The following DLG5 variants were observed in gnomAD, a reference collection of about 807,000 sequenced individuals.
DLG5 encodes disks large homolog 5.
DLG5 carries 48 observed loss-of-function variants against 189.8 expected under a neutral mutation model. The ratio of observed to expected loss-of-function variants is 0.25; its 90% CI spans 0.20 to 0.32. The LOEUF (loss-of-function observed/expected upper bound fraction) is 0.32, where lower values mean the gene tolerates loss of function less well. DLG5 is among the 10% of genes least tolerant of loss of function. DLG5 has a pLI of 1.00. For synonymous variants in DLG5, 1,016 were observed against 1,054.1 expected (o/e 0.96, Z 0.70); for missense variants, 2,160 against 2,544.7 (o/e 0.85, Z 3.25).
intron 1 of DLG5, among the ~76,000 whole-genome samples, chr10:77,882,110 T>C (rs1467133504): frequency 6.6e-6 from 1 of 152,198 alleles, no homozygotes; most frequent in Non-Finnish European, 1.5e-5. Flanking sequence ...CCTGAGGTCA[T>C]GGAGAACCCC....
chr10:77,934,847 T>TTTTGTTTG, the DLG5 span, among the ~76,000 whole-genome samples: 1 of 135,202 alleles, frequency 7.4e-6, no homozygotes, highest in African/African-American at 3.6e-5. Flanking sequence ...CTGTTCTTTT[T>TTTTGTTTG]TTTTGTTTTT....
At chr10:77,926,873 C>T (rs1199179496), upstream of DLG5, 1 of 316,778 alleles carries the variant, frequency 3.2e-6, no homozygotes, top group Non-Finnish European at 6.5e-6. This position sits in a 1 kb window ranked among gnomAD's most constrained non-coding sequence, Gnocchi z 5.2. Flanking sequence ...CCTCAGCCTC[C>T]GCGCGCGCCG....
chr10:77,808,967 C>T (rs540323108), intron 24 of DLG5, among the ~76,000 whole-genome samples: 9 of 151,848 alleles, frequency 5.9e-5, no homozygotes, highest in Non-Finnish European at 1.0e-4. Flanking sequence ...GGCGTGTTGG[C>T]GCATGCCTGT....
At chr10:77,858,161 G>C (rs1373110191) in intron 2 of DLG5, among the ~76,000 whole-genome samples, 1 of 152,056 alleles carries the variant, frequency 6.6e-6, no homozygotes, top group Non-Finnish European at 1.5e-5. Context: ...TCAGGTTGTG[G>C]AACCCCAACC....
Position 77,796,242 on chromosome 10 carries a change from C to T in DLG5, c.5309-54G>A. 6.2e-7 allele frequency: 1 copy of T among 1,612,748 alleles called. No individual in the cohort carries two copies. ...AGCCCCAGGCCCTGCTGAGCCCCAGCAGAGGGAGCAGGGGAAGAACACTGC... is the reference window on the plus strand; with the variant it reads ...AGCCCCAGGCCCTGCTGAGCCCCAGTAGAGGGAGCAGGGGAAGAACACTGC... On this transcript the variant is annotated intron_variant, in intron 28 of 31. Coordinates refer to ENST00000372391, the MANE Select transcript of DLG5 (RefSeq NM_004747.4). The surrounding 1 kb of genome is among the most constrained non-coding windows in gnomAD (Gnocchi z 5.2).
chr10:77,925,867 G>A (rs1846671309), intron 1 of DLG5, among the ~76,000 whole-genome samples: 1 of 152,184 alleles, frequency 6.6e-6, no homozygotes, highest in Non-Finnish European at 1.5e-5. Flanking sequence ...GCTAGCACAG[G>A]GTGCCAAAGC....
chr10:77,799,006 C>T (rs915911704), intron 27 of DLG5, among the ~76,000 whole-genome samples: 2 of 152,008 alleles, frequency 1.3e-5, no homozygotes, highest in African/African-American at 4.8e-5. Context: ...TAAAAAAAAC[C>T]ATATTCTCCC....
At position 77,812,388 on chromosome 10, in the gene DLG5, G is replaced by C; in HGVS notation, c.4026-11C>G. On this transcript the variant is annotated splice_polypyrimidine_tract_variant and intron_variant, in intron 20 of 31. Coordinates refer to ENST00000372391, the MANE Select transcript of DLG5 (RefSeq NM_004747.4). ...TCCTCCACATAAGGCCTAAGGAAAA[G>C]TCAAAAGTTTCGGGGACTCAGGGTC... 3 of 1,601,338 alleles carry C rather than the reference G, an allele frequency of 1.9e-6. No homozygotes were observed. The highest frequency in any genetic ancestry group is 2.6e-6 in the Non-Finnish European group (3 of 1,169,406).
At position 77,809,582 on chromosome 10, in the gene DLG5, G is replaced by A. The variant is rs1369477381; in HGVS notation, c.4612C>T (p.Pro1538Ser). 7 of 1,613,944 alleles carry A rather than the reference G, an allele frequency of 4.3e-6. No individual in the cohort carries two copies. The African/African-American group carries it at 8.0e-5, about 18-fold the overall frequency. ...EVEDDSPAKGPDGLVPGDLIL... is the reference protein window; with the variant it reads ...EVEDDSPAKGSDGLVPGDLIL... ...AGGTCCCCTGGCACGAGGCCGTCAG[G>A]ACCCTTGGCAGGACTGTCATCCTCC... is the stretch of plus-strand genomic sequence containing the variant. The change falls in exon 24 of 32, where the codon CCT (proline) becomes TCT (serine). Residue 1538 changes from proline (P) to serine (S), a missense_variant. Pro to Ser is a moderately conservative substitution (Grantham distance 74, BLOSUM62 -1). Coordinates refer to ENST00000372391, the MANE Select transcript of DLG5 (RefSeq NM_004747.4).
Position 77,919,315 on chromosome 10 carries a change from C to T in DLG5, c.304+6902G>A, listed in dbSNP as rs570757752. Among the ~76,000 whole-genome samples, 316 of 152,126 alleles carry T rather than the reference C, an allele frequency of 2.1e-3. 1 individual carries two copies. Among genetic ancestry groups the T allele is most frequent in the African/African-American group, 7.2e-3 (298 of 41,514 alleles). On this transcript the variant is annotated intron_variant, in intron 1 of 31. Transcript: ENST00000372391. Reference sequence around the variant, plus strand: ...CCAGAGTATCAAAAACCACTCAACACTAACATTAAATCAGATTAACAGCAA... The same window carrying T: ...CCAGAGTATCAAAAACCACTCAACATTAACATTAAATCAGATTAACAGCAA...
chr10:77,884,891 G>A (rs1463228534), intron 1 of DLG5, among the ~76,000 whole-genome samples: 3 of 152,168 alleles, frequency 2.0e-5, no homozygotes, highest in Non-Finnish European at 4.4e-5. Context: ...TTTTGGAAAT[G>A]GCGGACTTCA....
At chr10:77,866,713 G>A (rs993623467) in intron 2 of DLG5, among the ~76,000 whole-genome samples, 5 of 151,884 alleles carry the variant, frequency 3.3e-5, no homozygotes, top group African/African-American at 4.8e-5. Context: ...CAGACACCCC[G>A]CCATGAGACT....
intron 1 of DLG5, among the ~76,000 whole-genome samples, chr10:77,874,891 T>G (rs1159170924): frequency 6.6e-6 from 1 of 152,124 alleles, no homozygotes; most frequent in Non-Finnish European, 1.5e-5. Flanking sequence ...TGTACTAGAG[T>G]GACAAGTCAC....
In DLG5 at chr10:77,875,211, G is replaced by A. The variant is rs559321122; in HGVS notation, c.305-6014C>T. Among the ~76,000 whole-genome samples, 7 of 152,252 alleles carry A rather than the reference G, an allele frequency of 4.6e-5. No homozygotes were observed. In the South Asian group the frequency reaches 8.3e-4, roughly 18 times the overall value. On this transcript the variant is annotated intron_variant, in intron 1 of 31. Transcript: ENST00000372391. ...AATCCTACACACAATACTGCTGCCC[G>A]GCTCCACAGGGAAGAGCAGTCAGAG... is the stretch of plus-strand genomic sequence containing the variant.
rs150046209 is a variant in DLG5, at chr10:77,834,381, G to T, written c.1623-342C>A. 3.4e-3 allele frequency among the ~76,000 whole-genome samples: 511 copies of T among 152,206 alleles called. 3 individuals carry two copies. The highest frequency in any genetic ancestry group is 4.4e-3 in the Non-Finnish European group (297 of 68,002). On this transcript the variant is annotated intron_variant, in intron 8 of 31. Coordinates refer to ENST00000372391, the MANE Select transcript of DLG5 (RefSeq NM_004747.4). ...TTCTAATGCCAACTTGGGGAGCCAG[G>T]GGGTGGCTCTCCTCTGCATGAAGCA...
chr10:77,815,387 C>T (rs1390084087), intron 20 of DLG5, among the ~76,000 whole-genome samples: 3 of 152,158 alleles, frequency 2.0e-5, no homozygotes, highest in South Asian at 2.1e-4. Flanking sequence ...TGGCTGGGCA[C>T]GGTGGCTCAC....
chr10:77,937,715 C>CTTT, the DLG5 span, among the ~76,000 whole-genome samples: 4 of 101,318 alleles, frequency 3.9e-5, no homozygotes, highest in Admixed American at 1.1e-4. Context: ...ACATTTTATA[C>CTTT]TTTTTTTTTT....
intron 8 of DLG5, 57 bp from the exon 9 acceptor site, chr10:77,834,096 T>C (rs1029529962): frequency 6.4e-7 from 1 of 1,572,058 alleles, no homozygotes; most frequent in Non-Finnish European, 8.6e-7. Context: ...AGGGGGTTCC[T>C]GGTCTGCAGC....
chr10:77,837,209 G>A (rs1275796447), intron 7 of DLG5, among the ~76,000 whole-genome samples: 3 of 85,794 alleles, frequency 3.5e-5, no homozygotes, highest in Non-Finnish European at 3.9e-5. Context: ...AGGGAGACTC[G>A]GTCTCAAAAA....
Sources: allele counts gnomAD v4.1 joint callset (sites outside exome capture counted in the v4.1 genomes callset), GRCh38; gene constraint gnomAD v4.1.1; non-coding constraint Gnocchi (gnomAD v3.1); transcripts MANE v1.5; gene names NCBI Gene and HGNC (gene_info 2026-07-23, HGNC 2026-07-21).